Variants in LDLRAD4 observed in about 807,000 individuals in gnomAD.
LDLRAD4 encodes the protein low-density lipoprotein receptor class A domain-containing protein 4.
Under a neutral mutation model 17.0 loss-of-function variants are expected in LDLRAD4, and 5 were observed. That is an observed-to-expected ratio of 0.29 (90% CI 0.15 to 0.62). The LOEUF is 0.62. LDLRAD4 is among the 20% of genes least tolerant of loss of function. LDLRAD4 has a pLI of 0.84. For synonymous variants in LDLRAD4, 168 were observed against 171.8 expected, an observed-to-expected ratio of 0.98 and a Z score of 0.17; for missense variants, 340 against 424.7, an observed-to-expected ratio of 0.80 and a Z score of 1.75.
intron 3 of LDLRAD4, among the ~76,000 whole-genome samples, chr18:13,582,609 G>A (rs1182610052): frequency 6.6e-6 from 1 of 152,278 alleles, no homozygotes; most frequent in Non-Finnish European, 1.5e-5. Context: ...GAGAGATGCA[G>A]CATGGCAGGA....
Position 13,621,151 on chromosome 18 carries a change from C to T in LDLRAD4, c.216C>T (p.Val72=), listed in dbSNP as rs751625190. The T allele has an allele frequency of 1.5e-5, 24 of 1,614,052 alleles. No homozygotes were observed. Among genetic ancestry groups the T allele is most frequent in the Non-Finnish European group, 1.9e-5 (22 of 1,180,040 alleles). The change falls in exon 4 of 6, where the codon GTC becomes GTT. Residue 72 remains valine (V), a synonymous_variant. Coordinates refer to ENST00000359446, the Ensembl canonical transcript of LDLRAD4. The surrounding 1 kb of genome is among the most constrained non-coding windows in gnomAD (Gnocchi z 5.5). ...AGTTCGCCCAAATCATCATCATCGT[C>T]GTGGTGGTCACGGTGATGGTGGTGG...
rs540759032 is a variant in LDLRAD4 at position 13,310,368 on chromosome 18, A to G, written c.-383+32180A>G. On this transcript the variant is annotated intron_variant, in intron 1 of 5. Coordinates refer to ENST00000359446, the Ensembl canonical transcript of LDLRAD4. ...AGACTCTGTCTCTTAAAAAAAAAAAAGGGAGATATTGGTGGGCCTGCAAGG... is the reference window on the plus strand; with the variant it reads ...AGACTCTGTCTCTTAAAAAAAAAAAGGGGAGATATTGGTGGGCCTGCAAGG... 5.7e-3 allele frequency among the ~76,000 whole-genome samples: 858 copies of G among 151,560 alleles called. 6 individuals are homozygous for G. The highest frequency in any genetic ancestry group is 0.011 in the South Asian group (52 of 4,778).
At chr18:13,378,333 G>A (rs1292135987) in intron 1 of LDLRAD4, among the ~76,000 whole-genome samples, 1 of 152,088 alleles carries the variant, frequency 6.6e-6, no homozygotes, top group Non-Finnish European at 1.5e-5. Context: ...CCGGCAGAGG[G>A]GCATGGGAGC....
At chr18:13,249,092 A>G (rs2043108623) in intron 1 of LDLRAD4, among the ~76,000 whole-genome samples, 2 of 152,154 alleles carry the variant, frequency 1.3e-5, no homozygotes, top group Non-Finnish European at 2.9e-5. Flanking sequence ...TTCATTTTGT[A>G]TGGCTGATTG....
chr18:13,486,389 C>T (rs1327688684), intron 3 of LDLRAD4: 2 of 152,208 alleles, frequency 1.3e-5, no homozygotes, highest in African/African-American at 4.8e-5. Context: ...TAGCAAGTTA[C>T]AATTTAAAGC....
chr18:13,457,749 G>A (rs2092219824), intron 3 of LDLRAD4, among the ~76,000 whole-genome samples: 1 of 152,068 alleles, frequency 6.6e-6, no homozygotes, highest in African/African-American at 2.4e-5. Context: ...AGCATCCCAG[G>A]GCCCTCTGCT....
rs1163127117 is a variant in LDLRAD4, at chr18:13,398,707, T to C, written c.40+10945T>C. On this transcript the variant is annotated intron_variant, in intron 2 of 5. Coordinates refer to ENST00000359446, the Ensembl canonical transcript of LDLRAD4. The surrounding 1 kb of genome is among the most constrained non-coding windows in gnomAD (Gnocchi z 4.8). The stretch of plus-strand genomic sequence containing the variant: ...TGGCGCTCACAGAGAGGATAGGCAG[T>C]GTGCTGGTGGGCTGCTGGTGTCCTC... Among the ~76,000 whole-genome samples, 4 of 151,992 alleles carry C rather than the reference T, an allele frequency of 2.6e-5. No homozygotes were observed. Among genetic ancestry groups the C allele is most frequent in the African/African-American group, 9.7e-5 (4 of 41,374 alleles).
chr18:13,454,166 G>T (rs941394021), intron 3 of LDLRAD4, among the ~76,000 whole-genome samples: 1 of 152,218 alleles, frequency 6.6e-6, no homozygotes, highest in Non-Finnish European at 1.5e-5. Context: ...TGTTAGATGC[G>T]CAAGCAGACT....
chr18:13,271,521 G>C (rs748126927), intron 1 of LDLRAD4, among the ~76,000 whole-genome samples: 1 of 152,198 alleles, frequency 6.6e-6, no homozygotes, highest in Non-Finnish European at 1.5e-5. Flanking sequence ...AAGAGTCCGG[G>C]TCGAAGGCCT....
chr18:13,218,144 T>G (rs892074347), upstream of LDLRAD4: 2 of 152,236 alleles, frequency 1.3e-5, no homozygotes, highest in African/African-American at 2.4e-5. Flanking sequence ...CTGGCCCAAG[T>G]TCACCGCTGC....
At chr18:13,642,225 T>G in intron 4 of LDLRAD4, 1 of 986,104 alleles carries the variant, frequency 1.0e-6, no homozygotes, top group Non-Finnish European at 1.2e-6. Flanking sequence ...GCGCCGTCCC[T>G]CGCTGCTGGC....
intron 2 of LDLRAD4, among the ~76,000 whole-genome samples, chr18:13,403,706 T>G (rs1008659645): frequency 2.0e-5 from 3 of 152,250 alleles, no homozygotes; most frequent in Non-Finnish European, 2.9e-5. Flanking sequence ...GATGTTTTAC[T>G]GCCTTGTAAA....
At chr18:13,316,252 GAA>G (rs1233751739) in intron 1 of LDLRAD4, among the ~76,000 whole-genome samples, 5 of 152,240 alleles carry the variant, frequency 3.3e-5, no homozygotes, top group African/African-American at 1.2e-4. Context: ...GCATCTGAGT[GAA>G]AGGACAGCTC....
At chr18:13,339,634 A>C (rs1171017246) in intron 1 of LDLRAD4, among the ~76,000 whole-genome samples, 2 of 152,216 alleles carry the variant, frequency 1.3e-5, no homozygotes, top group Non-Finnish European at 2.9e-5. Context: ...TAATAAAATA[A>C]AACTTTTTTT....
chr18:13,512,285 T>C (rs1483650442), intron 3 of LDLRAD4, among the ~76,000 whole-genome samples: 1 of 152,190 alleles, frequency 6.6e-6, no homozygotes, highest in Non-Finnish European at 1.5e-5. Context: ...AGAGTCATGA[T>C]ACAGGAATGA....
chr18:13,245,728 C>CCCAGCTCAG (rs1434701823), intron 1 of LDLRAD4, among the ~76,000 whole-genome samples: 8 of 152,260 alleles, frequency 5.3e-5, no homozygotes, highest in Non-Finnish European at 8.8e-5. Flanking sequence ...TCTCACATCA[C>CCCAGCTCAG]CCAGCTCAGA....
chr18:13,618,772 AG>A (rs2040313889), intron 3 of LDLRAD4, among the ~76,000 whole-genome samples: 2 of 152,264 alleles, frequency 1.3e-5, no homozygotes, highest in African/African-American at 2.4e-5. Context: ...AGGTCACAAT[AG>A]AAATGTGACC....
At chr18:13,382,908 G>A (rs1383709688) in intron 1 of LDLRAD4, among the ~76,000 whole-genome samples, 1 of 152,262 alleles carries the variant, frequency 6.6e-6, no homozygotes, top group African/African-American at 2.4e-5. Context: ...CCTCCATGGG[G>A]CAGCGCTTGC....
chr18:13,529,408 A>G (rs2094091913), intron 3 of LDLRAD4, among the ~76,000 whole-genome samples: 1 of 152,250 alleles, frequency 6.6e-6, no homozygotes, highest in Non-Finnish European at 1.5e-5. Context: ...TGCCTGTTAA[A>G]AGGAGGTCAT....
Sources: gnomAD v4.1 joint callset for allele counts (sites outside exome capture counted in the v4.1 genomes callset) on GRCh38, gnomAD v4.1.1 for gene constraint, Gnocchi (gnomAD v3.1) non-coding constraint, MANE v1.5 for transcripts, NCBI Gene and HGNC (gene_info 2026-07-23, HGNC 2026-07-21) for gene names.